Variants in AGPAT3 observed in about 807,000 individuals in gnomAD.
AGPAT3 encodes 1-acylglycerol-3-phosphate O-acyltransferase 3.
AGPAT3 carries 5 observed loss-of-function variants against 47.3 expected under a neutral mutation model. The observed-to-expected ratio is 0.11, with a 90% CI of 0.06 to 0.22. The LOEUF (loss-of-function observed/expected upper bound fraction) is 0.22, where lower values mean the gene tolerates loss of function less well. AGPAT3 is among the 10% of genes least tolerant of loss of function. AGPAT3 has a pLI of 1.00. For missense variants in AGPAT3, 315 were observed against 493.0 expected (o/e 0.64, Z 3.42); for synonymous variants, 212 against 208.3 (o/e 1.02, Z -0.15).
intron 1 of AGPAT3, among the ~76,000 whole-genome samples, chr21:43,884,276 T>A (rs1230530535): frequency 1.4e-5 from 1 of 69,376 alleles, no homozygotes; most frequent in African/African-American, 5.7e-5. Flanking sequence ...TTCCCCCTCC[T>A]CCTTCCCCCT....
Position 43,981,767 on chromosome 21 carries a change from C to G in AGPAT3, c.1043-537C>G, listed in dbSNP as rs1047775431. Among the ~76,000 whole-genome samples the G allele has an allele frequency of 6.6e-6, 1 of 151,964 alleles. No homozygotes were observed. The highest frequency in any genetic ancestry group is 6.5e-5 in the Admixed American group (1 of 15,274). On this transcript the variant is annotated intron_variant, in intron 9 of 9. Transcript: ENST00000291572. The surrounding 1 kb of genome is among the most constrained non-coding windows in gnomAD (Gnocchi z 5.3). ...AGTCCGTGTGCATCGCCCCGTGAGCCGACTCCCCAGGCCCAGCAGCTGGGC... is the reference window on the plus strand; with the variant it reads ...AGTCCGTGTGCATCGCCCCGTGAGCGGACTCCCCAGGCCCAGCAGCTGGGC...
intron 1 of AGPAT3, among the ~76,000 whole-genome samples, chr21:43,873,622 C>A (rs1020136960): frequency 6.6e-6 from 1 of 152,228 alleles, no homozygotes; most frequent in Non-Finnish European, 1.5e-5. Flanking sequence ...AGGTGATCCT[C>A]CCACCTTGGC....
chr21:43,914,126 G>A (rs1327394387), intron 2 of AGPAT3, among the ~76,000 whole-genome samples: 2 of 152,200 alleles, frequency 1.3e-5, no homozygotes, highest in Non-Finnish European at 2.9e-5. Flanking sequence ...TGTCGTGGTT[G>A]AGGCTCATAA....
At position 43,962,388 on chromosome 21, in the gene AGPAT3, T is replaced by A. The variant is rs76356956; in HGVS notation, c.178+2529T>A. 2.7e-4 allele frequency among the ~76,000 whole-genome samples: 41 copies of A among 152,318 alleles called. No individual in the cohort carries two copies. In the East Asian group the frequency reaches 7.7e-3, roughly 29 times the overall value. On this transcript the variant is annotated intron_variant, in intron 3 of 9. Transcript: ENST00000291572. ...AATCCTATAATATAAAATATACAAA[T>A]GAGTTATTCATGAGTATAACTGGAT...
At chr21:43,876,549 A>G (rs1474937148) in intron 1 of AGPAT3, among the ~76,000 whole-genome samples, 1 of 152,252 alleles carries the variant, frequency 6.6e-6, no homozygotes, top group Non-Finnish European at 1.5e-5. Flanking sequence ...GTCTAAAGAC[A>G]TAATTGACTT....
chr21:43,947,507 G>A (rs1299800879), intron 2 of AGPAT3, among the ~76,000 whole-genome samples: 1 of 152,214 alleles, frequency 6.6e-6, no homozygotes, highest in East Asian at 1.9e-4. Flanking sequence ...TCTTCACTGA[G>A]TCCAAAGTCA....
rs1180522201 is a variant in AGPAT3, at chr21:43,981,907, C to G, written c.1043-397C>G. On this transcript the variant is annotated intron_variant, in intron 9 of 9. Coordinates refer to ENST00000291572, the MANE Select transcript of AGPAT3 (RefSeq NM_020132.5). This position sits in a 1 kb window ranked among gnomAD's most constrained non-coding sequence, Gnocchi z 5.3. ...GACTACGAGATGACTTGAGGCCACC[C>G]ACAGAGGACAGGATGTGACCTGCTT... 6.6e-6 allele frequency among the ~76,000 whole-genome samples: 1 copy of G among 152,190 alleles called. No individual in the cohort carries two copies. The highest frequency in any genetic ancestry group is 2.4e-5 in the African/African-American group (1 of 41,446).
intron 2 of AGPAT3, 71 bp from the exon 3 acceptor site, chr21:43,959,563 C>T: frequency 4.3e-6 from 6 of 1,391,106 alleles, no homozygotes; most frequent in Non-Finnish European, 6.0e-6. Context: ...GTGCAGTGAG[C>T]AGTGCCCCGG....
intron 1 of AGPAT3, among the ~76,000 whole-genome samples, chr21:43,887,328 G>T (rs2086002285): frequency 1.3e-5 from 2 of 152,192 alleles, no homozygotes; most frequent in African/African-American, 4.8e-5. Context: ...ACCAAATGCA[G>T]CCTAGGAACC....
intron 1 of AGPAT3, among the ~76,000 whole-genome samples, chr21:43,885,980 G>A (rs2085967486): frequency 1.3e-5 from 2 of 152,208 alleles, no homozygotes; most frequent in African/African-American, 4.8e-5. Flanking sequence ...CCGGTCAGGG[G>A]CTCCAAATAC....
At chr21:43,959,068 G>GTGTGTGGGGTTTGTGTGTGTGTGGCA (rs2088664211) in intron 2 of AGPAT3, among the ~76,000 whole-genome samples, 1 of 53,040 alleles carries the variant, frequency 1.9e-5, no homozygotes, top group Non-Finnish European at 3.6e-5. Flanking sequence ...GGTATGCGTG[G>GTGTGTGGGGTTTGTGTGTGTGTGGCA]TGTGTGTGGT....
chr21:43,957,231 G>A (rs902382185), intron 2 of AGPAT3, among the ~76,000 whole-genome samples: 12 of 151,784 alleles, frequency 7.9e-5, no homozygotes, highest in Non-Finnish European at 1.6e-4. Flanking sequence ...CTGTGGAGTC[G>A]GGACAGGGGG....
At chr21:43,969,018 G>A in intron 4 of AGPAT3, 100 bp from the exon 5 acceptor site, 3 of 1,325,884 alleles carry the variant, frequency 2.3e-6, no homozygotes, top group Admixed American at 2.1e-5. Flanking sequence ...GACTCCTAGA[G>A]CGACACCACA....
chr21:43,970,825 G>C lies in AGPAT3; in HGVS notation c.664+19G>C. On this transcript the variant is annotated intron_variant, in intron 6 of 9. Transcript: ENST00000291572. This position sits in a 1 kb window ranked among gnomAD's most constrained non-coding sequence, Gnocchi z 5.8. ...GGGACAGGTAGGCCCCAGACTGCCC[G>C]AGCCGGGGCCACCGCTATGCTCACG... is the stretch of plus-strand genomic sequence containing the variant. The C allele has an allele frequency of 6.6e-7, 1 of 1,514,652 alleles. No individual in the cohort carries two copies. The highest frequency in any genetic ancestry group is 8.9e-7 in the Non-Finnish European group (1 of 1,128,134). The allele number at this position is 1,514,652 out of a possible 1,614,324, so 93.8% of individuals were successfully genotyped here. A position where few individuals can be genotyped will look rare whatever the true frequency, so the allele number is the denominator to read the frequency against.
At chr21:43,879,133 C>T (rs1313174702) in intron 1 of AGPAT3, among the ~76,000 whole-genome samples, 10 of 151,996 alleles carry the variant, frequency 6.6e-5, no homozygotes, top group African/African-American at 9.7e-5. Flanking sequence ...GCTGATCACT[C>T]GAGGTCAGGA....
In AGPAT3 at chr21:43,916,241, C is replaced by T. The variant is rs528144473; in HGVS notation, c.-49+12222C>T. 2.0e-5 allele frequency: 3 copies of T among 152,290 alleles called. No homozygotes were observed. In the East Asian group the frequency reaches 5.8e-4, roughly 29 times the overall value. The allele number at this position is 152,290 out of a possible 1,614,324, so 9.4% of individuals were successfully genotyped here. A position where few individuals can be genotyped will look rare whatever the true frequency, so the allele number is the denominator to read the frequency against. ...CCAAGTACAGAATTGCCTCTTTCTCCTTATGCACTGCTTCTTTAATTTTGT... is the reference window on the plus strand; with the variant it reads ...CCAAGTACAGAATTGCCTCTTTCTCTTTATGCACTGCTTCTTTAATTTTGT... On this transcript the variant is annotated intron_variant, in intron 2 of 9. Transcript: ENST00000291572.
intron 8 of AGPAT3, among the ~76,000 whole-genome samples, chr21:43,979,309 AAAAAAAAGAAAG>A (rs1443311963): frequency 6.5e-4 from 96 of 146,936 alleles, no homozygotes; most frequent in African/African-American, 1.8e-3. Flanking sequence ...AAAAAAAAAA[AAAAAAAAGAAAG>A]AAAAAAAAAG....
intron 2 of AGPAT3, among the ~76,000 whole-genome samples, chr21:43,943,476 C>T (rs2087739883): frequency 6.6e-6 from 1 of 152,242 alleles, no homozygotes; most frequent in Admixed American, 6.5e-5. Flanking sequence ...CTGGCTAAGC[C>T]CTGCACGCAC....
At chr21:43,949,979 C>A (rs1361111811) in intron 2 of AGPAT3, among the ~76,000 whole-genome samples, 3 of 152,188 alleles carry the variant, frequency 2.0e-5, no homozygotes, top group Non-Finnish European at 2.9e-5. Flanking sequence ...CAGCCCTTCC[C>A]CTAAACTTCC....
Sources: allele counts gnomAD v4.1 joint callset (sites outside exome capture counted in the v4.1 genomes callset), GRCh38; gene constraint gnomAD v4.1.1; non-coding constraint Gnocchi (gnomAD v3.1); transcripts MANE v1.5; gene names NCBI Gene and HGNC (gene_info 2026-07-23, HGNC 2026-07-21).